KCNG4: variants seen among roughly 807,000 people sequenced by gnomAD.
The protein encoded by KCNG4 is potassium voltage-gated channel modifier subfamily G member 4.
Under a neutral mutation model 28.2 loss-of-function variants are expected in KCNG4, and 30 were observed. The observed-to-expected ratio is 1.06, with a 90% CI of 0.80 to 1.44. The LOEUF (loss-of-function observed/expected upper bound fraction) is 1.44, where lower values mean the gene tolerates loss of function less well. Among genes scored for constraint, KCNG4 ranks in the 40% most tolerant of loss-of-function variants. The probability of loss-of-function intolerance (pLI) is 0.00; values close to 1 mark genes in which losing one functional copy is unlikely to be tolerated. For synonymous variants in KCNG4, 375 were observed against 315.5 expected (o/e 1.19, Z -2.00); for missense variants, 879 against 712.3 (o/e 1.23, Z -2.66).
At chr16:84,238,773 C>T (rs965239080) in intron 1 of KCNG4, among the ~76,000 whole-genome samples, 4 of 152,110 alleles carry the variant, frequency 2.6e-5, no homozygotes, top group African/African-American at 9.7e-5. Flanking sequence ...GAGGCTGAGG[C>T]AGGAGAATCG....
rs1179593117 is a variant in KCNG4 at position 84,226,019 on chromosome 16, C to T, written c.757-2999G>A. On this transcript the variant is annotated intron_variant, in intron 2 of 2. Coordinates refer to ENST00000308251, the MANE Select transcript of KCNG4 (RefSeq NM_172347.3). The surrounding 1 kb of genome is among the most constrained non-coding windows in gnomAD (Gnocchi z 4.1). The stretch of plus-strand genomic sequence containing the variant: ...GAAGGAAAGAAAAAAGTTTTCCTTT[C>T]TCCCTTTGTGGAAGTTCTGTGCTTA... 2.6e-5 allele frequency among the ~76,000 whole-genome samples: 4 copies of T among 152,342 alleles called. No individual in the cohort carries two copies. The East Asian group carries it at 5.8e-4, about 22-fold the overall frequency.
chr16:84,222,923 T>C lies in KCNG4; in HGVS notation c.854A>G (p.Gln285Arg), dbSNP rs767319825. The stretch of plus-strand genomic sequence containing the variant: ...CCCCTGGAAGAACTGACACTTGTCT[T>C]GGGCCTGGACAAACCGCAGGCAGAA... ...LEFCLRFVQA[Q>R]DKCQFFQGPL... Residue 285 changes from glutamine (Q) to arginine (R), a missense_variant, in exon 3 of 3, where the codon CAA becomes CGA. By Grantham distance (43) the Gln-to-Arg change is conservative. Transcript: ENST00000308251. 1.2e-6 allele frequency: 2 copies of C among 1,609,912 alleles called. No homozygotes were observed. The highest frequency in any genetic ancestry group is 2.2e-5 in the East Asian group (1 of 44,784).
At position 84,221,240 on chromosome 16, in the gene KCNG4, C is replaced by T. The variant is rs39550; in HGVS notation, c.*977G>A. On this transcript the variant is annotated 3_prime_UTR_variant, in exon 3 of 3. Coordinates refer to ENST00000308251, the MANE Select transcript of KCNG4 (RefSeq NM_172347.3). ...GGAAGCCAGCAAGGGACAGCACCTA[C>T]AATTCCCCTTGTTTCTGTGCCAAAG... The T allele has an allele frequency of 0.72, 110,275 of 152,228 alleles. 40,875 individuals are homozygous for T. The highest frequency in any genetic ancestry group is 0.89 in the African/African-American group (36,928 of 41,542). The allele number at this position is 152,228 out of a possible 1,614,324, so 9.4% of individuals were successfully genotyped here.
rs1567627954 is a variant in KCNG4 at position 84,237,423 on chromosome 16, G to GT, written c.62_63insA (p.Ser21ArgfsTer83). On this transcript the variant is annotated frameshift_variant, in exon 2 of 3. Transcript: ENST00000308251. LOFTEE classifies it high-confidence loss of function. ...GGCTGGACAGGAGCTGACTCCAAGG[G>GT]CTGTGGGAACCATAGTGGTGGTGTC... 5.3e-6 allele frequency: 8 copies of GT among 1,517,326 alleles called. No homozygotes were observed. Among genetic ancestry groups the GT allele is most frequent in the Non-Finnish European group, 7.1e-6 (8 of 1,134,190 alleles). 94.0% of individuals were successfully genotyped at this position (1,517,326 alleles called of 1,614,324 possible). A position where few individuals can be genotyped will look rare whatever the true frequency, so the allele number is the denominator to read the frequency against.
rs147997404 is a variant in KCNG4, at chr16:84,222,805, G to A, written c.972C>T (p.Ser324=). The A allele has an allele frequency of 1.8e-3, 2,879 of 1,609,984 alleles. 9 individuals are homozygous for A. Among genetic ancestry groups the A allele is most frequent in the Admixed American group, 2.2e-3 (129 of 59,840 alleles). The stretch of plus-strand genomic sequence containing the variant: ...CCACCTTCTCCAGGTAGGAGCTCCC[G>A]CTCGGCCTCTCGCCGTCCTCCGGGG... The part of the protein sequence containing the change: ...EEPPEDGERP[S]GSSYLEKVGL... Residue 324 remains serine, a synonymous_variant, in exon 3 of 3, where the codon AGC becomes AGT. Coordinates refer to ENST00000308251, the MANE Select transcript of KCNG4 (RefSeq NM_172347.3).
At chr16:84,223,100 C>T in intron 2 of KCNG4, 80 bp from the exon 3 acceptor site, 1 of 1,152,830 alleles carries the variant, frequency 8.7e-7, no homozygotes, top group South Asian at 1.7e-5. Context: ...ACTTCATGCC[C>T]ATGAGCTTTG....
chr16:84,223,788 A>G (rs1429269457), intron 2 of KCNG4, among the ~76,000 whole-genome samples: 1 of 152,136 alleles, frequency 6.6e-6, no homozygotes, highest in Non-Finnish European at 1.5e-5. Context: ...ACAGAAATGT[A>G]TGGAGGGCCC....
At position 84,237,005 on chromosome 16, in the gene KCNG4, A is replaced by G. The variant is rs904276049; in HGVS notation, c.481T>C (p.Cys161Arg). The change falls in exon 2 of 3, where the codon TGC (cysteine) becomes CGC (arginine). Residue 161 changes from cysteine (C) to arginine (R), a missense_variant. Cys to Arg is a radical substitution (Grantham distance 180). Transcript: ENST00000308251. ...AGCTTCCTCAGCAGCTTCCGCAGGC[A>G]GCACCTCTCCAGGTGGGCCTCCTCG... Reference protein sequence around the residue: ...GIEEAHLERCCLRKLLRKLEE... With the variant: ...GIEEAHLERCRLRKLLRKLEE... 7 of 1,613,674 alleles carry G rather than the reference A, an allele frequency of 4.3e-6. No individual in the cohort carries two copies. Among genetic ancestry groups the G allele is most frequent in the Non-Finnish European group, 5.9e-6 (7 of 1,179,982 alleles).
At chr16:84,234,740 G>A (rs987822403) in intron 2 of KCNG4, among the ~76,000 whole-genome samples, 9 of 152,144 alleles carry the variant, frequency 5.9e-5, no homozygotes, top group African/African-American at 2.2e-4. Flanking sequence ...GGCACTGCCT[G>A]TCCCCAGAAG....
chr16:84,224,909 C>A (rs946757106), intron 2 of KCNG4, among the ~76,000 whole-genome samples: 1 of 152,196 alleles, frequency 6.6e-6, no homozygotes. Context: ...TGTCTAGTTA[C>A]AATACTCTCA....
rs1285105969 is a variant in KCNG4, at chr16:84,239,844, C to T, written c.-215G>A. On this transcript the variant is annotated 5_prime_UTR_variant, in exon 1 of 3. Coordinates refer to ENST00000308251, the MANE Select transcript of KCNG4 (RefSeq NM_172347.3). ...CCAATCTTTCTTCCCGTGCCTCCTC[C>T]AGAAACCAGAAGTTCATTCATTCTG... The T allele has an allele frequency of 6.6e-6, 1 of 152,146 alleles. No individual in the cohort carries two copies. The highest frequency in any genetic ancestry group is 2.4e-5 in the African/African-American group (1 of 41,416). 9.4% of individuals were successfully genotyped at this position (152,146 alleles called of 1,614,324 possible).
chr16:84,231,112 G>C (rs918943020), intron 2 of KCNG4, among the ~76,000 whole-genome samples: 2 of 152,186 alleles, frequency 1.3e-5, no homozygotes, highest in Non-Finnish European at 2.9e-5. Flanking sequence ...CCAGCCCCAA[G>C]GGGGAGCAGA....
chr16:84,228,558 A>G (rs1204631265), intron 2 of KCNG4, among the ~76,000 whole-genome samples: 1 of 142,402 alleles, frequency 7.0e-6, no homozygotes, highest in East Asian at 2.0e-4. Flanking sequence ...GCCTCCCCCC[A>G]GGCACTACTC....
At chr16:84,234,002 A>T (rs1282488771) in intron 2 of KCNG4, among the ~76,000 whole-genome samples, 1 of 152,204 alleles carries the variant, frequency 6.6e-6, no homozygotes, top group Non-Finnish European at 1.5e-5. Flanking sequence ...GGATGAAATC[A>T]GTCCACGGTG....
At position 84,222,091 on chromosome 16, in the gene KCNG4, C is replaced by T. The variant is rs953325041; in HGVS notation, c.*126G>A. 1 of 1,069,934 alleles carries T rather than the reference C, an allele frequency of 9.3e-7. No homozygotes were observed. The highest frequency in any genetic ancestry group is 1.4e-6 in the Non-Finnish European group (1 of 722,546). The allele number at this position is 1,069,934 out of a possible 1,614,324, so 66.3% of individuals were successfully genotyped here. On this transcript the variant is annotated 3_prime_UTR_variant, in exon 3 of 3. Transcript: ENST00000308251. ...ACACAGCCTCTGTGGCCTTATGCCCCTCCAGCTTTGAAAGTCTTCCCTGGG... is the reference window on the plus strand; with the variant it reads ...ACACAGCCTCTGTGGCCTTATGCCCTTCCAGCTTTGAAAGTCTTCCCTGGG...
chr16:84,237,382 G>A lies in KCNG4; in HGVS notation c.104C>T (p.Ser35Phe), dbSNP rs1904998634. The change falls in exon 2 of 3, where the codon TCC (serine) becomes TTC (phenylalanine). Residue 35 changes from serine (S) to phenylalanine (F), a missense_variant. Transcript: ENST00000308251. The part of the protein sequence containing the change: ...QLLSSPMETP[S>F]IKGLYYRRVR... ...CCTCCGGTAGTAAAGGCCCTTGATG[G>A]ACGGCGTCTCCATGGGGCTGGACAG... 6.5e-7 allele frequency: 1 copy of A among 1,537,564 alleles called. No individual in the cohort carries two copies.
intron 2 of KCNG4, among the ~76,000 whole-genome samples, chr16:84,229,163 G>C (rs1222567410): frequency 1.3e-5 from 2 of 152,060 alleles, no homozygotes; most frequent in Non-Finnish European, 2.9e-5. Context: ...AGCCTGGCGT[G>C]GTGGTGCACA....
chr16:84,222,224 T>C lies in KCNG4; in HGVS notation c.1553A>G (p.His518Arg), dbSNP rs745757539. ...GTCATGGGGGGTGCTGAGTTACATGTGCATGATAGGCAAGGCTGGGCCCTC... is the reference window on the plus strand; with the variant it reads ...GTCATGGGGGGTGCTGAGTTACATGCGCATGATAGGCAAGGCTGGGCCCTC... ...ILEGPALPIMHM is the reference protein window; with the variant it reads ...ILEGPALPIMRM The change falls in exon 3 of 3, where the codon CAC (histidine) becomes CGC (arginine). Residue 518 changes from histidine to arginine, a missense_variant. Physicochemically the swap from His to Arg is conservative, Grantham distance 29. Coordinates refer to ENST00000308251, the MANE Select transcript of KCNG4 (RefSeq NM_172347.3). The C allele has an allele frequency of 6.8e-6, 11 of 1,613,914 alleles. No individual in the cohort carries two copies. The highest frequency in any genetic ancestry group is 9.3e-6 in the Non-Finnish European group (11 of 1,179,998).
chr16:84,237,353 G>A lies in KCNG4; in HGVS notation c.133C>T (p.Arg45Trp), dbSNP rs368012830. Residue 45 changes from arginine to tryptophan, a missense_variant, in exon 2 of 3, where the codon CGG becomes TGG. Arg to Trp is a moderately radical substitution (Grantham distance 101). Coordinates refer to ENST00000308251, the MANE Select transcript of KCNG4 (RefSeq NM_172347.3). ...SIKGLYYRRV[R>W]KVGALDASPV... ...GAGGCGTCCAGGGCACCCACCTTCCGCACCCTCCGGTAGTAAAGGCCCTTG... is the reference window on the plus strand; with the variant it reads ...GAGGCGTCCAGGGCACCCACCTTCCACACCCTCCGGTAGTAAAGGCCCTTG... The A allele has an allele frequency of 5.9e-5, 92 of 1,565,708 alleles. No individual in the cohort carries two copies. Among genetic ancestry groups the A allele is most frequent in the South Asian group, 1.6e-4 (13 of 82,092 alleles).
Sources: allele counts gnomAD v4.1 joint callset (sites outside exome capture counted in the v4.1 genomes callset), GRCh38; gene constraint gnomAD v4.1.1; non-coding constraint Gnocchi (gnomAD v3.1); transcripts MANE v1.5; gene names NCBI Gene and HGNC (gene_info 2026-07-23, HGNC 2026-07-21).